CACNA2D4: variants seen among roughly 807,000 people sequenced by gnomAD.
CACNA2D4 encodes the protein voltage-dependent calcium channel subunit alpha-2/delta-4.
Under a neutral mutation model 163.8 loss-of-function variants are expected in CACNA2D4, and 157 were observed. The observed-to-expected ratio is 0.96, with a 90% CI of 0.84 to 1.09. The LOEUF (loss-of-function observed/expected upper bound fraction) is 1.09, where lower values mean the gene tolerates loss of function less well. CACNA2D4 is among the 50% of genes least tolerant of loss of function. CACNA2D4 has a pLI of 0.00. For synonymous variants in CACNA2D4, 598 were observed against 586.9 expected, an observed-to-expected ratio of 1.02 and a Z score of -0.27; for missense variants, 1,410 against 1,479.9, an observed-to-expected ratio of 0.95 and a Z score of 0.78.
At chr12:1,889,626 T>G (rs1565731420) in intron 6 of CACNA2D4, among the ~76,000 whole-genome samples, 1 of 152,174 alleles carries the variant, frequency 6.6e-6, no homozygotes, top group Non-Finnish European at 1.5e-5. Flanking sequence ...AGTTCCCAGC[T>G]TAATTTTAAA....
intron 3 of CACNA2D4, among the ~76,000 whole-genome samples, chr12:1,911,459 C>G (rs1270001365): frequency 6.6e-6 from 1 of 152,040 alleles, no homozygotes; most frequent in Admixed American, 6.6e-5. Flanking sequence ...CCTCTCTGGT[C>G]CTCTGCTTGC....
chr12:1,907,717 GAC>G (rs1446896158), intron 5 of CACNA2D4, 146 bp from the exon 6 acceptor site: 2 of 1,177,836 alleles, frequency 1.7e-6, no homozygotes, highest in Non-Finnish European at 2.4e-6. Flanking sequence ...GTGTCTGGTG[GAC>G]GGCCTGGTGG....
chr12:1,907,275 T>C (rs72653430), intron 6 of CACNA2D4, among the ~76,000 whole-genome samples, 165 bp downstream of exon 6: 13,590 of 152,252 alleles, frequency 0.089, 1,213 homozygotes, highest in East Asian at 0.42. Flanking sequence ...AATATGTGCA[T>C]ATCATGCAGT....
chr12:1,879,438 C>T (rs976938995), intron 14 of CACNA2D4, among the ~76,000 whole-genome samples: 10 of 152,144 alleles, frequency 6.6e-5, no homozygotes, highest in Admixed American at 6.5e-5. Flanking sequence ...AATCCCCTCA[C>T]CAGAGGCCTT....
chr12:1,879,681 T>G, intron 14 of CACNA2D4, 123 bp downstream of exon 14: 2 of 778,056 alleles, frequency 2.6e-6, no homozygotes, highest in Non-Finnish European at 4.4e-6. Context: ...CCTGGAAATC[T>G]GCATTCAAAC....
rs1289269160 is a variant in CACNA2D4 at position 1,799,931 on chromosome 12, T to C, written c.2974+69A>G. On this transcript the variant is annotated intron_variant, in intron 33 of 37. Transcript: ENST00000382722. The surrounding 1 kb of genome is among the most constrained non-coding windows in gnomAD (Gnocchi z 4.7). ...CCACTGTCACCCACCCCACAGGGAATGGTCTCACGTTAGTGGACCAAAATG... is the reference window on the plus strand; with the variant it reads ...CCACTGTCACCCACCCCACAGGGAACGGTCTCACGTTAGTGGACCAAAATG... 2 of 1,502,544 alleles carry C rather than the reference T, an allele frequency of 1.3e-6. No individual in the cohort carries two copies. Among genetic ancestry groups the C allele is most frequent in the Non-Finnish European group, 1.8e-6 (2 of 1,100,470 alleles). 93.1% of individuals were successfully genotyped at this position (1,502,544 alleles called of 1,614,324 possible).
At chr12:1,811,435 G>A (rs1359375705) in intron 27 of CACNA2D4, among the ~76,000 whole-genome samples, 1 of 152,236 alleles carries the variant, frequency 6.6e-6, no homozygotes, top group African/African-American at 2.4e-5. Context: ...GTGGCGAGAA[G>A]GGGTGACTCT....
At chr12:1,865,953 C>A (rs1350540810) in intron 18 of CACNA2D4, among the ~76,000 whole-genome samples, 1 of 152,044 alleles carries the variant, frequency 6.6e-6, no homozygotes, top group Non-Finnish European at 1.5e-5. Flanking sequence ...TAATTTTGTC[C>A]CTGAATGAAG....
chr12:1,795,424 C>T, intron 36 of CACNA2D4, 43 bp from the exon 37 acceptor site: 11 of 1,563,014 alleles, frequency 7.0e-6, no homozygotes, highest in Non-Finnish European at 9.6e-6. Context: ...GGACCGGAGC[C>T]CATTCTGCAG....
At chr12:1,803,758 C>G (rs1158553419) in intron 29 of CACNA2D4, among the ~76,000 whole-genome samples, 2 of 152,234 alleles carry the variant, frequency 1.3e-5, no homozygotes, top group East Asian at 3.8e-4. Context: ...AAGGCACTCA[C>G]CAGGTGAGTC....
At chr12:1,805,459 C>T (rs1302556539) in intron 29 of CACNA2D4, among the ~76,000 whole-genome samples, 4 of 152,230 alleles carry the variant, frequency 2.6e-5, no homozygotes, top group African/African-American at 9.6e-5. Context: ...GATGGGAGCT[C>T]ATCCTCCTAA....
At chr12:1,896,780 A>C (rs984828948) in intron 6 of CACNA2D4, among the ~76,000 whole-genome samples, 1 of 152,218 alleles carries the variant, frequency 6.6e-6, no homozygotes, top group African/African-American at 2.4e-5. Context: ...TAGAACTACC[A>C]TATGATGCCA....
Position 1,811,651 on chromosome 12 carries a change from A to G in CACNA2D4, c.2613+11T>C, listed in dbSNP as rs1187575651. ...GTCCCCAGCCCCGACCTGGCCCGAC[A>G]TCACACCTACCTGCCGCGTTGCCGC... On this transcript the variant is annotated intron_variant, in intron 27 of 37. Transcript: ENST00000382722. 4 of 1,558,990 alleles carry G rather than the reference A, an allele frequency of 2.6e-6. No individual in the cohort carries two copies. Among genetic ancestry groups the G allele is most frequent in the South Asian group, 2.4e-5 (2 of 84,396 alleles).
At position 1,833,309 on chromosome 12, in the gene CACNA2D4, C is replaced by G. The variant is rs1864712783; in HGVS notation, c.2551+7430G>C. Reference sequence around the variant, plus strand: ...ATCTTTTCGGCAGGGGGTCTAGTGCCTGCATCCAGATTTCACTGGAAGCTG... The same window carrying G: ...ATCTTTTCGGCAGGGGGTCTAGTGCGTGCATCCAGATTTCACTGGAAGCTG... On this transcript the variant is annotated intron_variant, in intron 26 of 37. Transcript: ENST00000382722. This position sits in a 1 kb window ranked among gnomAD's most constrained non-coding sequence, Gnocchi z 4.2. 6.6e-6 allele frequency among the ~76,000 whole-genome samples: 1 copy of G among 152,166 alleles called. No homozygotes were observed. Among genetic ancestry groups the G allele is most frequent in the East Asian group, 1.9e-4 (1 of 5,196 alleles).
chr12:1,828,032 G>T lies in CACNA2D4; in HGVS notation c.2551+12707C>A. The T allele has an allele frequency of 1.1e-6, 1 of 935,702 alleles. No individual in the cohort carries two copies. The highest frequency in any genetic ancestry group is 1.5e-6 in the Non-Finnish European group (1 of 666,344). 58.0% of individuals were successfully genotyped at this position (935,702 alleles called of 1,614,324 possible). On this transcript the variant is annotated intron_variant, in intron 26 of 37. Transcript: ENST00000382722. The surrounding 1 kb of genome is among the most constrained non-coding windows in gnomAD (Gnocchi z 4.2). ...TCTCCCTAACCCCTGGGCTGGAACG[G>T]GGCTCCCGCGCCTGCCTGTGCTCAG...
intron 16 of CACNA2D4, among the ~76,000 whole-genome samples, chr12:1,876,797 G>A (rs770107899): frequency 4.3e-4 from 66 of 152,212 alleles, no homozygotes; most frequent in Admixed American, 1.0e-3. Context: ...TTTCCTTTGG[G>A]TGGGGCTCAA....
At chr12:1,871,874 T>C (rs1168323570) in intron 18 of CACNA2D4, among the ~76,000 whole-genome samples, 1 of 152,220 alleles carries the variant, frequency 6.6e-6, no homozygotes, top group African/African-American at 2.4e-5. Context: ...CCCTCCCCCA[T>C]TGCTAATTAT....
chr12:1,887,021 C>A lies in CACNA2D4; in HGVS notation c.830G>T (p.Arg277Leu). 1 of 1,590,650 alleles carries A rather than the reference C, an allele frequency of 6.3e-7. No homozygotes were observed. ...TGTGAGCTCTTACCAGCCGCGGTTT[C>A]GGCAGTCAAAAGTAATGACTCCATT... ...DENGVITFDCRNRGWYIQAAT... is the reference protein window; with the variant it reads ...DENGVITFDCLNRGWYIQAAT... The change falls in exon 7 of 38, where the codon CGA becomes CTA. Residue 277 changes from arginine (R) to leucine (L), a missense_variant. By Grantham distance (102) the Arg-to-Leu change is moderately radical. Coordinates refer to ENST00000382722, the MANE Select transcript of CACNA2D4 (RefSeq NM_172364.5).
At chr12:1,810,716 A>C in intron 27 of CACNA2D4, 129 bp from the exon 28 acceptor site, 1 of 915,064 alleles carries the variant, frequency 1.1e-6, no homozygotes, top group South Asian at 1.4e-5. Context: ...GTGTATCTGC[A>C]CATGGAGGGC....
Sources: allele counts gnomAD v4.1 joint callset (sites outside exome capture counted in the v4.1 genomes callset), GRCh38; gene constraint gnomAD v4.1.1; non-coding constraint Gnocchi (gnomAD v3.1); transcripts MANE v1.5; gene names NCBI Gene and HGNC (gene_info 2026-07-23, HGNC 2026-07-21).